GNAQ: variants seen among roughly 807,000 people sequenced by gnomAD.
GNAQ encodes G protein subunit alpha q.
GNAQ carries 8 observed loss-of-function variants against 43.9 expected under a neutral mutation model. That is an observed-to-expected ratio of 0.18 (90% CI 0.11 to 0.33). GNAQ has a LOEUF of 0.33. Among genes scored for constraint, GNAQ ranks in the 10% least tolerant of loss-of-function variants. The probability of loss-of-function intolerance (pLI) is 1.00; values close to 1 mark genes in which losing one functional copy is unlikely to be tolerated. For missense variants in GNAQ, 158 were observed against 450.8 expected (o/e 0.35, Z 5.88); for synonymous variants, 155 against 170.7 (o/e 0.91, Z 0.71).
chr9:77,877,811 TTC>T (rs1342098548), intron 2 of GNAQ, among the ~76,000 whole-genome samples: 1 of 152,162 alleles, frequency 6.6e-6, no homozygotes, highest in African/African-American at 2.4e-5. Context: ...CAATGCTCAT[TTC>T]TCTGTTACTG....
At chr9:77,879,074 A>G (rs1828171233) in intron 2 of GNAQ, among the ~76,000 whole-genome samples, 1 of 152,096 alleles carries the variant, frequency 6.6e-6, no homozygotes, top group Non-Finnish European at 1.5e-5. Context: ...AATTTAAAAA[A>G]CCAAAAAATA....
intron 1 of GNAQ, among the ~76,000 whole-genome samples, chr9:78,021,809 A>C (rs967979077): frequency 1.8e-4 from 27 of 152,236 alleles, no homozygotes; most frequent in Admixed American, 1.2e-3. Context: ...TGAAGAAAAA[A>C]CAAACAAAAA....
At chr9:77,932,288 T>C (rs1206765261) in intron 1 of GNAQ, among the ~76,000 whole-genome samples, 3 of 152,198 alleles carry the variant, frequency 2.0e-5, no homozygotes, top group South Asian at 2.1e-4. Flanking sequence ...TTATTGGATA[T>C]AGATTGCATA....
intron 2 of GNAQ, among the ~76,000 whole-genome samples, chr9:77,900,120 A>G (rs953982059): frequency 7.9e-5 from 12 of 152,128 alleles, no homozygotes; most frequent in Admixed American, 7.9e-4. Flanking sequence ...TCAATCAGTA[A>G]TCCTGGAGTC....
At chr9:77,747,846 T>G (rs970589020) in intron 5 of GNAQ, among the ~76,000 whole-genome samples, 1 of 152,230 alleles carries the variant, frequency 6.6e-6, no homozygotes, top group African/African-American at 2.4e-5. Context: ...GCTAGGTGCT[T>G]CACATGCTAC....
rs373501207 is a variant in GNAQ, at chr9:77,799,356, G to A, written c.477-1708C>T. ...ACAAGGAATGCCTTGTGCATAGCATGTTATAATTGAACAATAACAAATACT... is the reference window on the plus strand; with the variant it reads ...ACAAGGAATGCCTTGTGCATAGCATATTATAATTGAACAATAACAAATACT... On this transcript the variant is annotated intron_variant, in intron 3 of 6. Coordinates refer to ENST00000286548, the MANE Select transcript of GNAQ (RefSeq NM_002072.5). Among the ~76,000 whole-genome samples, 32 of 152,278 alleles carry A rather than the reference G, an allele frequency of 2.1e-4. 3 individuals are homozygous for A. Among genetic ancestry groups the A allele is most frequent in the African/African-American group, 7.7e-4 (32 of 41,556 alleles).
chr9:77,733,958 T>G (rs2118236669), intron 5 of GNAQ, among the ~76,000 whole-genome samples: 1 of 152,340 alleles, frequency 6.6e-6, no homozygotes, highest in Non-Finnish European at 1.5e-5. Flanking sequence ...CTGGATCCAG[T>G]GGACATGGCC....
In GNAQ at chr9:77,740,251, A is replaced by G. The variant is rs554426260; in HGVS notation, c.736-11584T>C. On this transcript the variant is annotated intron_variant, in intron 5 of 6. Coordinates refer to ENST00000286548, the MANE Select transcript of GNAQ (RefSeq NM_002072.5). ...GAGATAAGTTCAAAGGACCTGTATG[A>G]CACCTGAGCCCTGCTCAGTGAGGTG... Among the ~76,000 whole-genome samples the G allele has an allele frequency of 1.7e-3, 261 of 152,308 alleles. 1 individual carries two copies. Among genetic ancestry groups the G allele is most frequent in the Non-Finnish European group, 1.8e-3 (125 of 68,026 alleles).
chr9:77,930,323 T>A (rs922833949), intron 1 of GNAQ, among the ~76,000 whole-genome samples: 1 of 152,246 alleles, frequency 6.6e-6, no homozygotes, highest in African/African-American at 2.4e-5. Flanking sequence ...ATTTCTTCTA[T>A]GAACTTGCCC....
intron 1 of GNAQ, among the ~76,000 whole-genome samples, chr9:77,983,880 C>T (rs1823399508): frequency 6.6e-6 from 1 of 151,544 alleles, no homozygotes; most frequent in Admixed American, 6.6e-5. Flanking sequence ...AAGTCCACTC[C>T]AAGAGACAGG....
chr9:77,888,832 T>C (rs1828352965), intron 2 of GNAQ, among the ~76,000 whole-genome samples: 1 of 150,582 alleles, frequency 6.6e-6, no homozygotes. Flanking sequence ...CAAAGTCCCT[T>C]GAGTGTCTGA....
chr9:77,994,343 T>C (rs945262992), intron 1 of GNAQ, among the ~76,000 whole-genome samples: 1 of 152,224 alleles, frequency 6.6e-6, no homozygotes, highest in South Asian at 2.1e-4. Flanking sequence ...TCTAGCCACG[T>C]GTATTTTAAA....
In GNAQ at chr9:77,827,909, A is replaced by C. The variant is rs186708541; in HGVS notation, c.322-12139T>G. ...CCCCGTCTCTACTAAAAATACAAAAAATTAGCCGGGCATGGTGGCAGGCAC... is the reference window on the plus strand; with the variant it reads ...CCCCGTCTCTACTAAAAATACAAAACATTAGCCGGGCATGGTGGCAGGCAC... On this transcript the variant is annotated intron_variant, in intron 2 of 6. Coordinates refer to ENST00000286548, the MANE Select transcript of GNAQ (RefSeq NM_002072.5). Among the ~76,000 whole-genome samples, 236 of 151,470 alleles carry C rather than the reference A, an allele frequency of 1.6e-3. 1 individual carries two copies. The highest frequency in any genetic ancestry group is 2.5e-3 in the Non-Finnish European group (172 of 67,818).
At chr9:77,889,265 G>A (rs147622911) in intron 2 of GNAQ, among the ~76,000 whole-genome samples, 59 of 151,466 alleles carry the variant, frequency 3.9e-4, no homozygotes, top group Middle Eastern at 3.4e-3. Flanking sequence ...AAAATTAGCC[G>A]GGTGTGGTGG....
chr9:77,766,115 A>G (rs1826132851), intron 5 of GNAQ, among the ~76,000 whole-genome samples: 1 of 152,230 alleles, frequency 6.6e-6, no homozygotes, highest in Non-Finnish European at 1.5e-5. Flanking sequence ...GTTTGAGAAG[A>G]TGAAAGTTCT....
rs76812199 is a variant in GNAQ at position 77,975,129 on chromosome 9, A to G, written c.137-52784T>C. 4.6e-5 allele frequency among the ~76,000 whole-genome samples: 7 copies of G among 152,316 alleles called. No homozygotes were observed. In the East Asian group the frequency reaches 1.4e-3, roughly 29 times the overall value. On this transcript the variant is annotated intron_variant, in intron 1 of 6. Coordinates refer to ENST00000286548, the MANE Select transcript of GNAQ (RefSeq NM_002072.5). Reference sequence around the variant, plus strand: ...GGGCCCATCCCCTAGAGCCTTGCAAAATCCTCTGTACATAAGTAACTCAAC... The same window carrying G: ...GGGCCCATCCCCTAGAGCCTTGCAAGATCCTCTGTACATAAGTAACTCAAC...
intron 5 of GNAQ, among the ~76,000 whole-genome samples, chr9:77,772,669 A>G (rs1045463574): frequency 6.6e-6 from 1 of 152,234 alleles, no homozygotes; most frequent in African/African-American, 2.4e-5. Context: ...GTACTAATAA[A>G]GCATCTTCAC....
chr9:77,737,780 C>G (rs757687740), intron 5 of GNAQ, among the ~76,000 whole-genome samples: 1 of 152,124 alleles, frequency 6.6e-6, no homozygotes, highest in Non-Finnish European at 1.5e-5. Context: ...TTCAATGGAC[C>G]CATTAGCACT....
At chr9:77,724,687 G>A (rs1421695030) in intron 6 of GNAQ, among the ~76,000 whole-genome samples, 1 of 152,114 alleles carries the variant, frequency 6.6e-6, no homozygotes, top group African/African-American at 2.4e-5. Flanking sequence ...ATCTGATAAT[G>A]CCAGAAGATG....
Sources: gnomAD v4.1 joint callset for allele counts (sites outside exome capture counted in the v4.1 genomes callset) on GRCh38, gnomAD v4.1.1 for gene constraint, MANE v1.5 for transcripts, NCBI Gene and HGNC (gene_info 2026-07-23, HGNC 2026-07-21) for gene names.